Variants in STIL observed in about 807,000 individuals in gnomAD.
STIL encodes STIL centriolar assembly protein.
In STIL, 55 loss-of-function variants were observed where a neutral mutation model predicts 110.1. That is an observed-to-expected ratio of 0.50 (90% CI 0.40 to 0.63). STIL has a LOEUF of 0.63. STIL is among the 20% of genes least tolerant of loss of function. The pLI, the probability that STIL is intolerant of heterozygous loss-of-function variation, is 0.00. For missense variants in STIL, 1,358 were observed against 1,530.0 expected, an observed-to-expected ratio of 0.89 and a Z score of 1.87; for synonymous variants, 481 against 530.0, an observed-to-expected ratio of 0.91 and a Z score of 1.27.
chr1:47,308,109 T>G (rs968904863), intron 2 of STIL, among the ~76,000 whole-genome samples: 4 of 152,204 alleles, frequency 2.6e-5, no homozygotes, highest in Non-Finnish European at 5.9e-5. Context: ...CTGCCTCCAC[T>G]TGCCTTGTGA....
chr1:47,305,237 T>C lies in STIL; in HGVS notation c.45-241A>G, dbSNP rs916062409. 8.9e-5 allele frequency: 35 copies of C among 394,766 alleles called. 1 individual carries two copies. In the Admixed American group the frequency reaches 9.6e-4, roughly 11 times the overall value. 24.5% of individuals were successfully genotyped at this position (394,766 alleles called of 1,614,324 possible). Reference sequence around the variant, plus strand: ...GCCTCCTGGGTTCAAGCAATTCCCCTGCCTGAGCTTCCTGAGTAGCTGAGA... The same window carrying C: ...GCCTCCTGGGTTCAAGCAATTCCCCCGCCTGAGCTTCCTGAGTAGCTGAGA... On this transcript the variant is annotated intron_variant, in intron 2 of 16. Transcript: ENST00000371877.
chr1:47,312,423 A>C (rs1408477269), intron 1 of STIL, among the ~76,000 whole-genome samples: 1 of 152,110 alleles, frequency 6.6e-6, no homozygotes, highest in Non-Finnish European at 1.5e-5. Flanking sequence ...ACTGCCCTCC[A>C]GCCTGGGCAA....
chr1:47,266,502 CA>C (rs1413127462), intron 14 of STIL, among the ~76,000 whole-genome samples: 5 of 152,152 alleles, frequency 3.3e-5, no homozygotes, highest in African/African-American at 1.2e-4. Context: ...GGAACTACTA[CA>C]GGCACATACC....
chr1:47,311,281 T>TCC (rs1298453171), intron 1 of STIL, among the ~76,000 whole-genome samples: 1 of 145,376 alleles, frequency 6.9e-6, no homozygotes, highest in African/African-American at 2.7e-5. Context: ...TTTTCTTTTT[T>TCC]TCTTTTTTTT....
At chr1:47,312,848 T>C (rs6671254) in intron 1 of STIL, 87,450 of 152,048 alleles carry the variant, frequency 0.58, 27,297 homozygotes, top group African/African-American at 0.83. Flanking sequence ...GTAAAGTCAT[T>C]ATCGTGTACA....
At chr1:47,285,616 C>A (rs565556166) in intron 10 of STIL, among the ~76,000 whole-genome samples, 2 of 151,594 alleles carry the variant, frequency 1.3e-5, no homozygotes, top group East Asian at 4.0e-4. Flanking sequence ...CACCACCAGG[C>A]CCGGCTAATT....
At chr1:47,253,805 C>T (rs1249078832) in intron 16 of STIL, among the ~76,000 whole-genome samples, 2 of 152,108 alleles carry the variant, frequency 1.3e-5, no homozygotes, top group Non-Finnish European at 2.9e-5. Flanking sequence ...CACAGACCCA[C>T]AAAAATCAAA....
intron 6 of STIL, among the ~76,000 whole-genome samples, chr1:47,299,193 C>T (rs143681070): frequency 2.0e-5 from 3 of 151,152 alleles, no homozygotes; most frequent in African/African-American, 7.3e-5. Context: ...ATTAAAAATA[C>T]AAAAATTAGC....
At chr1:47,259,029 C>G (rs1404412309) in intron 16 of STIL, among the ~76,000 whole-genome samples, 1 of 103,078 alleles carries the variant, frequency 9.7e-6, no homozygotes, top group Non-Finnish European at 1.8e-5. Context: ...CTTTGCTATC[C>G]AAGCTGGAGT....
chr1:47,303,921 C>T (rs1557772506), intron 3 of STIL, among the ~76,000 whole-genome samples: 1 of 152,122 alleles, frequency 6.6e-6, no homozygotes, highest in Non-Finnish European at 1.5e-5. Flanking sequence ...GCTCTAAGTC[C>T]TTATAATGTA....
Position 47,280,455 on chromosome 1 carries a change from T to C in STIL, c.2003A>G (p.Gln668Arg). The C allele has an allele frequency of 6.2e-7, 1 of 1,614,262 alleles. No individual in the cohort carries two copies. The highest frequency in any genetic ancestry group is 1.1e-5 in the South Asian group (1 of 91,086). Residue 668 changes from glutamine (Q) to arginine (R), a missense_variant, in exon 12 of 17, where the codon CAG becomes CGG. Transcript: ENST00000371877. ...SSSSPIALRP[Q>R]GDMGSCSPHS... ...GGGAGAACAACTGCCCATATCTCCC[T>C]GAGGTCTCAAGGCTATAGGACTACT...
upstream of STIL, among the ~76,000 whole-genome samples, chr1:47,314,342 G>C (rs1646226368): frequency 2.6e-5 from 4 of 152,246 alleles, no homozygotes; most frequent in South Asian, 8.3e-4. Flanking sequence ...GGAGAACTGC[G>C]GGCGCCACCG....
At chr1:47,272,761 T>C (rs1412646157) in intron 12 of STIL, among the ~76,000 whole-genome samples, 1 of 152,212 alleles carries the variant, frequency 6.6e-6, no homozygotes, top group East Asian at 1.9e-4. Context: ...TATTCGTAAG[T>C]TGATACTCAT....
chr1:47,250,217 AAC>A lies in STIL; in HGVS notation c.*917_*918del, dbSNP rs1236207484. 1.2e-5 allele frequency: 2 copies of A among 171,446 alleles called. No homozygotes were observed. The highest frequency in any genetic ancestry group is 2.5e-5 in the Non-Finnish European group (2 of 79,094). The allele number at this position is 171,446 out of a possible 1,614,324, so 10.6% of individuals were successfully genotyped here. A position where few individuals can be genotyped will look rare whatever the true frequency, so the allele number is the denominator to read the frequency against. ...TCTGAAAAACTCAGAAAGTTTATAA[AAC>A]ACACTCATACTCAATAATTTTCTTA... On this transcript the variant is annotated 3_prime_UTR_variant, in exon 17 of 17. Coordinates refer to ENST00000371877, the MANE Select transcript of STIL (RefSeq NM_001048166.1).
At chr1:47,289,385 G>T in intron 9 of STIL, 50 bp downstream of exon 9, 1 of 1,563,530 alleles carries the variant, frequency 6.4e-7, no homozygotes, top group Non-Finnish European at 8.8e-7. Flanking sequence ...AACTGCCAAA[G>T]TGCAAAACCC....
chr1:47,290,866 TC>T (rs1450827778), intron 8 of STIL, among the ~76,000 whole-genome samples: 1 of 152,136 alleles, frequency 6.6e-6, no homozygotes, highest in Admixed American at 6.6e-5. Flanking sequence ...CACTCACCTC[TC>T]TGAGCTCATC....
chr1:47,312,709 G>A (rs1019363733), intron 1 of STIL, among the ~76,000 whole-genome samples: 40 of 152,100 alleles, frequency 2.6e-4, no homozygotes, highest in Admixed American at 1.6e-3. Flanking sequence ...TGAAAAGATG[G>A]ATAATGTTGA....
upstream of STIL, among the ~76,000 whole-genome samples, chr1:47,314,732 T>C (rs1228458709): frequency 6.6e-6 from 1 of 150,968 alleles, no homozygotes; most frequent in African/African-American, 2.4e-5. Context: ...TGACATAATT[T>C]TTTTTTTTTT....
chr1:47,304,009 C>G (rs1274198902), intron 3 of STIL, among the ~76,000 whole-genome samples: 1 of 152,062 alleles, frequency 6.6e-6, no homozygotes, highest in Non-Finnish European at 1.5e-5. Context: ...TTAACCCCTA[C>G]AAGAGAACTG....
Sources: gnomAD v4.1 joint callset for allele counts (sites outside exome capture counted in the v4.1 genomes callset) on GRCh38, gnomAD v4.1.1 for gene constraint, MANE v1.5 for transcripts, NCBI Gene and HGNC (gene_info 2026-07-23, HGNC 2026-07-21) for gene names.